The following DNAH8 variants were observed in gnomAD, a reference collection of about 807,000 sequenced individuals.
DNAH8 encodes dynein axonemal heavy chain 8.
A neutral mutation model predicts 562.1 loss-of-function variants in DNAH8; 382 were observed. The ratio of observed to expected loss-of-function variants is 0.68; its 90% CI spans 0.63 to 0.74. DNAH8 has a LOEUF of 0.74. Among genes scored for constraint, DNAH8 ranks in the 30% least tolerant of loss-of-function variants. The probability of loss-of-function intolerance (pLI) is 0.00; values close to 1 mark genes in which losing one functional copy is unlikely to be tolerated. For missense variants in DNAH8, 5,203 were observed against 5,620.4 expected, an observed-to-expected ratio of 0.93 and a Z score of 2.37; for synonymous variants, 1,881 against 1,919.4, an observed-to-expected ratio of 0.98 and a Z score of 0.52.
intron 82 of DNAH8, among the ~76,000 whole-genome samples, chr6:38,955,136 T>C (rs1762161608): frequency 6.6e-6 from 1 of 151,962 alleles, no homozygotes; most frequent in South Asian, 2.1e-4. Context: ...CCTAGCCACA[T>C]TTTGTTTTCT....
chr6:38,815,666 G>A lies in DNAH8; in HGVS notation c.3523+9G>A, dbSNP rs368745386. 1.9e-6 allele frequency: 3 copies of A among 1,603,136 alleles called. No individual in the cohort carries two copies. Among genetic ancestry groups the A allele is most frequent in the Middle Eastern group, 3.3e-4 (2 of 6,040 alleles). The stretch of plus-strand genomic sequence containing the variant: ...GCTGAAGAAGGAAGAAAGTAAGAAT[G>A]TAAAATTAGTCAATGATCTTACTGA... On this transcript the variant is annotated intron_variant, in intron 26 of 92. Coordinates refer to ENST00000327475, the MANE Select transcript of DNAH8 (RefSeq NM_001206927.2).
intron 89 of DNAH8, 67 bp downstream of exon 89, chr6:39,009,037 C>A: frequency 8.5e-7 from 1 of 1,182,876 alleles, no homozygotes; most frequent in Non-Finnish European, 1.2e-6. Context: ...AGTTTGATTA[C>A]CTTGAAAAGC....
chr6:38,855,985 A>G (rs569848744), intron 41 of DNAH8, among the ~76,000 whole-genome samples: 1 of 152,262 alleles, frequency 6.6e-6, no homozygotes, highest in South Asian at 2.1e-4. Flanking sequence ...CCATGGAAAA[A>G]TTGTCTTCCA....
At chr6:38,897,391 T>G (rs556878881) in intron 60 of DNAH8, among the ~76,000 whole-genome samples, 5 of 152,234 alleles carry the variant, frequency 3.3e-5, no homozygotes, top group Admixed American at 6.5e-5. Flanking sequence ...ATCTTGCCCT[T>G]TACAGAAAAA....
chr6:39,005,134 G>C (rs549368096), intron 88 of DNAH8, among the ~76,000 whole-genome samples: 1 of 152,108 alleles, frequency 6.6e-6, no homozygotes, highest in Non-Finnish European at 1.5e-5. Context: ...GCATCAGGCC[G>C]GGAGCAGCAG....
chr6:38,907,095 C>T (rs1780536410), intron 63 of DNAH8, among the ~76,000 whole-genome samples: 1 of 152,216 alleles, frequency 6.6e-6, no homozygotes, highest in Admixed American at 6.5e-5. Context: ...TATAGTTATA[C>T]TCATGGCTGA....
intron 80 of DNAH8, among the ~76,000 whole-genome samples, chr6:38,947,559 G>A (rs766758082): frequency 6.6e-6 from 1 of 152,134 alleles, no homozygotes; most frequent in Non-Finnish European, 1.5e-5. Context: ...ATAGTCATCC[G>A]CTTTCTTCCT....
intron 82 of DNAH8, among the ~76,000 whole-genome samples, chr6:38,963,442 A>C (rs1384807264): frequency 3.4e-5 from 4 of 119,264 alleles, no homozygotes; most frequent in Non-Finnish European, 3.5e-5. Context: ...TCAGCTCACA[A>C]CAACCTCTGC....
At chr6:38,986,599 A>G (rs1764415550) in intron 87 of DNAH8, among the ~76,000 whole-genome samples, 1 of 152,256 alleles carries the variant, frequency 6.6e-6, no homozygotes, top group African/African-American at 2.4e-5. Flanking sequence ...CTTAATAAGT[A>G]TACTTTGTTA....
At chr6:38,992,250 G>A (rs12200247) in intron 88 of DNAH8, among the ~76,000 whole-genome samples, 15,068 of 152,188 alleles carry the variant, frequency 0.099, 889 homozygotes, top group Admixed American at 0.19. Context: ...TTACAGGTGT[G>A]AGCCACCGCA....
intron 21 of DNAH8, 140 bp from the exon 22 acceptor site, chr6:38,803,039 A>AT: frequency 6.9e-6 from 4 of 580,774 alleles, no homozygotes; most frequent in Non-Finnish European, 1.2e-5. Flanking sequence ...AATCTGAAGC[A>AT]TTATGCCATT....
At chr6:38,852,322 G>A (rs1344784027) in intron 39 of DNAH8, among the ~76,000 whole-genome samples, 1 of 152,070 alleles carries the variant, frequency 6.6e-6, no homozygotes, top group Non-Finnish European at 1.5e-5. Context: ...TGAGAAAAGA[G>A]AATAGAAAGG....
chr6:38,973,871 C>T, intron 84 of DNAH8, 58 bp downstream of exon 84: 1 of 1,425,966 alleles, frequency 7.0e-7, no homozygotes, highest in Non-Finnish European at 9.6e-7. Flanking sequence ...ACATCATTGA[C>T]ATTGTTGAAA....
At chr6:38,996,803 T>C (rs990030284) in intron 88 of DNAH8, among the ~76,000 whole-genome samples, 5 of 152,212 alleles carry the variant, frequency 3.3e-5, no homozygotes, top group African/African-American at 1.2e-4. Context: ...GTGAGCCTTC[T>C]GTGTTTTGTC....
chr6:39,021,663 G>A (rs183950873), intron 91 of DNAH8, among the ~76,000 whole-genome samples: 2 of 152,322 alleles, frequency 1.3e-5, no homozygotes, highest in African/African-American at 4.8e-5. Flanking sequence ...AAAACTGCCT[G>A]TCTTAAACTC....
At chr6:38,779,156 G>T (rs530948925) in intron 14 of DNAH8, among the ~76,000 whole-genome samples, 10 of 152,282 alleles carry the variant, frequency 6.6e-5, no homozygotes, top group Non-Finnish European at 1.0e-4. Context: ...GAGGGCTCAA[G>T]ACCTGTGTCA....
chr6:38,853,287 C>G lies in DNAH8; in HGVS notation c.5673C>G (p.Phe1891Leu). The change falls in exon 41 of 93, where the codon TTC becomes TTG. Residue 1891 changes from phenylalanine (F) to leucine (L), a missense_variant. Physicochemically the swap from Phe to Leu is conservative, Grantham distance 22 (BLOSUM62 0). Transcript: ENST00000327475. ...TACATAATATAATTAGATCCGCTTT[C>G]TATCAAATCAGTGATTCAGGATTTC... ...SSLHNIIRSA[F>L]YQISDSGFQL... 1 of 1,613,404 alleles carries G rather than the reference C, an allele frequency of 6.2e-7. No homozygotes were observed. The highest frequency in any genetic ancestry group is 8.5e-7 in the Non-Finnish European group (1 of 1,179,712).
At chr6:38,990,796 A>G (rs6921666) in intron 88 of DNAH8, among the ~76,000 whole-genome samples, 61,782 of 152,028 alleles carry the variant, frequency 0.41, 12,933 homozygotes, top group East Asian at 0.59. Context: ...AATGCTCCCC[A>G]GTTCCAAGCC....
intron 88 of DNAH8, among the ~76,000 whole-genome samples, chr6:38,991,337 C>T (rs1240467962): frequency 6.6e-6 from 1 of 152,130 alleles, no homozygotes; most frequent in East Asian, 1.9e-4. Flanking sequence ...CACGAAGGTT[C>T]GTTAGTGGCA....
Sources: allele counts gnomAD v4.1 joint callset (sites outside exome capture counted in the v4.1 genomes callset), GRCh38; gene constraint gnomAD v4.1.1; transcripts MANE v1.5; gene names NCBI Gene and HGNC (gene_info 2026-07-23, HGNC 2026-07-21).